PDE11A: variants seen among roughly 807,000 people sequenced by gnomAD.
The protein encoded by PDE11A is dual 3',5'-cyclic-AMP and -GMP phosphodiesterase 11A.
PDE11A carries 100 observed loss-of-function variants against 100.5 expected under a neutral mutation model. The ratio of observed to expected loss-of-function variants is 1.00; its 90% CI spans 0.85 to 1.18. The LOEUF (loss-of-function observed/expected upper bound fraction) is 1.18. Ranked by LOEUF, PDE11A falls within the 50% of genes most tolerant of loss-of-function variation. The probability of loss-of-function intolerance (pLI) is 0.00; values close to 1 mark genes in which losing one functional copy is unlikely to be tolerated. For missense variants in PDE11A, 1,141 were observed against 1,152.6 expected, an observed-to-expected ratio of 0.99 and a Z score of 0.15; for synonymous variants, 381 against 420.8, an observed-to-expected ratio of 0.91 and a Z score of 1.16.
intron 10 of PDE11A, among the ~76,000 whole-genome samples, chr2:177,761,346 G>A (rs939541902): frequency 4.6e-5 from 7 of 152,112 alleles, no homozygotes; most frequent in African/African-American, 9.7e-5. Context: ...AATTTCCATC[G>A]TCATAGGTCC....
intron 10 of PDE11A, among the ~76,000 whole-genome samples, chr2:177,743,216 G>T (rs2081899921): frequency 6.6e-6 from 1 of 152,178 alleles, no homozygotes; most frequent in Non-Finnish European, 1.5e-5. Context: ...TTAAATAATT[G>T]TACTTATTTT....
chr2:178,001,031 T>C (rs1358951623), intron 2 of PDE11A, among the ~76,000 whole-genome samples: 1 of 151,170 alleles, frequency 6.6e-6, no homozygotes, highest in Non-Finnish European at 1.5e-5. Flanking sequence ...CAAGCGACCC[T>C]GGACACATTT....
chr2:178,100,518 T>C (rs1011409572), intron 2 of PDE11A, among the ~76,000 whole-genome samples: 4 of 152,206 alleles, frequency 2.6e-5, no homozygotes, highest in Non-Finnish European at 4.4e-5. Context: ...AGCCAAGCTG[T>C]GCTAACATAT....
At chr2:177,866,321 A>G (rs1002575969) in intron 5 of PDE11A, among the ~76,000 whole-genome samples, 2 of 152,230 alleles carry the variant, frequency 1.3e-5, no homozygotes, top group Non-Finnish European at 2.9e-5. Flanking sequence ...CCGTGAAAGC[A>G]TGATTTCTCC....
chr2:177,867,417 T>G, intron 5 of PDE11A, among the ~76,000 whole-genome samples: 1 of 152,134 alleles, frequency 6.6e-6, no homozygotes, highest in East Asian at 1.9e-4. Context: ...GTAACCCAGG[T>G]ACATCTCAGA....
chr2:177,826,291 C>A (rs2105596172), intron 6 of PDE11A, among the ~76,000 whole-genome samples: 1 of 152,224 alleles, frequency 6.6e-6, no homozygotes, highest in Middle Eastern at 3.4e-3. Context: ...ATTTTCTAGC[C>A]TCTCAAAGGT....
chr2:177,868,894 C>T (rs2084075711), intron 5 of PDE11A, among the ~76,000 whole-genome samples: 1 of 152,174 alleles, frequency 6.6e-6, no homozygotes, highest in Non-Finnish European at 1.5e-5. Flanking sequence ...TCCAGTCTTG[C>T]CACTAGAAAT....
intron 19 of PDE11A, among the ~76,000 whole-genome samples, chr2:177,638,313 T>TA (rs1158271868): frequency 6.6e-6 from 1 of 151,986 alleles, no homozygotes; most frequent in African/African-American, 2.4e-5. Context: ...ATATTTTTTT[T>TA]ACCTCAAAAA....
At chr2:178,024,294 C>T (rs893134469) in intron 1 of PDE11A, among the ~76,000 whole-genome samples, 1 of 152,128 alleles carries the variant, frequency 6.6e-6, no homozygotes, top group Non-Finnish European at 1.5e-5. Flanking sequence ...CACCTGTAAT[C>T]CCAGCTACTC....
At chr2:177,931,060 T>C (rs144156154) in intron 2 of PDE11A, among the ~76,000 whole-genome samples, 52 of 152,282 alleles carry the variant, frequency 3.4e-4, no homozygotes, top group African/African-American at 1.2e-3. Context: ...TTTTTTTCCT[T>C]ATAGATACTA....
chr2:177,749,630 C>A (rs1054562214), intron 10 of PDE11A, among the ~76,000 whole-genome samples: 1 of 152,104 alleles, frequency 6.6e-6, no homozygotes, highest in Non-Finnish European at 1.5e-5. Context: ...GCTCCCCAGA[C>A]AACTAAGAGT....
In PDE11A at chr2:177,627,672, C is replaced by G. The variant is rs1485795799; in HGVS notation, c.*1735G>C. 6.6e-6 allele frequency: 1 copy of G among 152,004 alleles called. No homozygotes were observed. The highest frequency in any genetic ancestry group is 1.5e-5 in the Non-Finnish European group (1 of 68,034). 9.4% of individuals were successfully genotyped at this position (152,004 alleles called of 1,614,324 possible). A position where few individuals can be genotyped will look rare whatever the true frequency, so the allele number is the denominator to read the frequency against. The stretch of plus-strand genomic sequence containing the variant: ...ATCAGCCTGGCAAACATGGTGAAAC[C>G]CTGTGTCTACTAAAAGTACAAAAAT... On this transcript the variant is annotated 3_prime_UTR_variant, in exon 20 of 20. Coordinates refer to ENST00000286063, the MANE Select transcript of PDE11A (RefSeq NM_016953.4).
intron 15 of PDE11A, among the ~76,000 whole-genome samples, chr2:177,696,741 T>C (rs1268476703): frequency 6.6e-6 from 1 of 152,188 alleles, no homozygotes; most frequent in Non-Finnish European, 1.5e-5. Flanking sequence ...GGCTTTGGTC[T>C]TTAAGATAGG....
At chr2:177,852,398 G>T (rs958396230) in intron 5 of PDE11A, among the ~76,000 whole-genome samples, 6 of 144,796 alleles carry the variant, frequency 4.1e-5, no homozygotes, top group Non-Finnish European at 9.2e-5. Flanking sequence ...ATTGATTTTT[G>T]ATCTATATGA....
intron 2 of PDE11A, among the ~76,000 whole-genome samples, chr2:177,984,449 G>A (rs1432756101): frequency 1.3e-5 from 2 of 152,266 alleles, no homozygotes; most frequent in East Asian, 1.9e-4. Flanking sequence ...GGTTATATCT[G>A]TGCCTCCTTG....
chr2:177,775,197 G>C (rs148171288), intron 9 of PDE11A, among the ~76,000 whole-genome samples: 1 of 152,152 alleles, frequency 6.6e-6, no homozygotes. Flanking sequence ...CATCTGACCT[G>C]AGGATTGTAA....
intron 10 of PDE11A, among the ~76,000 whole-genome samples, chr2:177,737,449 A>ACACACACACACACACACACAC (rs55844103): frequency 1.6e-4 from 24 of 148,020 alleles, no homozygotes; most frequent in Non-Finnish European, 1.8e-4. Flanking sequence ...ACACACACAC[A>ACACACACACACACACACACAC]AATTAGCCAG....
At chr2:177,809,575 AC>A (rs1028589024) in intron 9 of PDE11A, among the ~76,000 whole-genome samples, 4 of 142,604 alleles carry the variant, frequency 2.8e-5, no homozygotes, top group African/African-American at 1.1e-4. Flanking sequence ...AAATCCTAAG[AC>A]TTTGCCCTTT....
chr2:177,944,202 A>G (rs2085376992), intron 2 of PDE11A, among the ~76,000 whole-genome samples: 1 of 152,228 alleles, frequency 6.6e-6, no homozygotes, highest in African/African-American at 2.4e-5. Context: ...ATGAAAATAA[A>G]GACCTGGACC....
Sources: gnomAD v4.1 joint callset for allele counts (sites outside exome capture counted in the v4.1 genomes callset) on GRCh38, gnomAD v4.1.1 for gene constraint, MANE v1.5 for transcripts, NCBI Gene and HGNC (gene_info 2026-07-23, HGNC 2026-07-21) for gene names.